Variants in UGT1A6 observed in about 807,000 individuals in gnomAD.
UGT1A6 encodes UDP glucuronosyltransferase family 1 member A6, also known as UDP-glucuronosyltransferase 1A6.
Under a neutral mutation model 44.4 loss-of-function variants are expected in UGT1A6, and 32 were observed. That is an observed-to-expected ratio of 0.72 (90% CI 0.54 to 0.97). The LOEUF (loss-of-function observed/expected upper bound fraction) is 0.97, where lower values mean the gene tolerates loss of function less well. UGT1A6 is among the 50% of genes least tolerant of loss of function. UGT1A6 has a pLI of 0.00. For synonymous variants in UGT1A6, 238 were observed against 248.5 expected, an observed-to-expected ratio of 0.96 and a Z score of 0.40; for missense variants, 685 against 661.9, an observed-to-expected ratio of 1.03 and a Z score of -0.38.
At chr2:233,727,382 C>T (rs1283832828) in intron 1 of UGT1A6, among the ~76,000 whole-genome samples, 4 of 152,134 alleles carry the variant, frequency 2.6e-5, no homozygotes, top group African/African-American at 7.2e-5. Context: ...TCTGGAGTAC[C>T]ACCGTCTTCC....
chr2:233,724,376 G>T (rs1373227000), intron 1 of UGT1A6, among the ~76,000 whole-genome samples: 1 of 128,002 alleles, frequency 7.8e-6, no homozygotes, highest in African/African-American at 3.0e-5. Context: ...GGTGGCTGCC[G>T]GGCGGAGACG....
intron 1 of UGT1A6, among the ~76,000 whole-genome samples, chr2:233,748,554 C>T (rs1045487950): frequency 2.0e-5 from 3 of 151,692 alleles, no homozygotes; most frequent in Non-Finnish European, 2.9e-5. Context: ...CCTAAGCACT[C>T]GCAGGAAGTA....
intron 1 of UGT1A6, chr2:233,729,433 A>T (rs2077858164): frequency 6.2e-7 from 1 of 1,613,790 alleles, no homozygotes; most frequent in African/African-American, 1.3e-5. Flanking sequence ...GTACTTTGAA[A>T]CAGAACATTT....
intron 1 of UGT1A6, among the ~76,000 whole-genome samples, chr2:233,762,570 C>A (rs1698104527): frequency 6.6e-6 from 1 of 152,154 alleles, no homozygotes; most frequent in South Asian, 2.1e-4. Flanking sequence ...TAGTCTAGTT[C>A]CCCACAGAGG....
At chr2:233,706,326 T>A (rs559515349) in intron 1 of UGT1A6, among the ~76,000 whole-genome samples, 1 of 152,306 alleles carries the variant, frequency 6.6e-6, no homozygotes, top group East Asian at 1.9e-4. Flanking sequence ...TTGGAACTAT[T>A]CAAGCTGGTG....
At chr2:233,760,382 T>G (rs1697426202) in intron 1 of UGT1A6, 1 of 1,614,082 alleles carries the variant, frequency 6.2e-7, no homozygotes, top group African/African-American at 1.3e-5. Context: ...AAGATACTGT[T>G]GATCCCAGTG....
intron 1 of UGT1A6, chr2:233,729,458 T>G: frequency 6.2e-7 from 1 of 1,614,110 alleles, no homozygotes; most frequent in Non-Finnish European, 8.5e-7. Flanking sequence ...AAGAAATTTT[T>G]CAGAAGTATG....
chr2:233,704,584 A>G (rs1284227001), intron 1 of UGT1A6, among the ~76,000 whole-genome samples: 1 of 152,162 alleles, frequency 6.6e-6, no homozygotes, highest in Non-Finnish European at 1.5e-5. Context: ...CAAGAATCAG[A>G]GAGAAGAAAG....
intron 1 of UGT1A6, chr2:233,712,893 T>G (rs2076259922): frequency 6.2e-7 from 1 of 1,605,864 alleles, no homozygotes; most frequent in East Asian, 2.2e-5. Flanking sequence ...ACATGTTGAT[T>G]TGCTAGGTGT....
At chr2:233,707,786 G>T (rs2075987501) in intron 1 of UGT1A6, among the ~76,000 whole-genome samples, 1 of 152,134 alleles carries the variant, frequency 6.6e-6, no homozygotes. Flanking sequence ...TATATACCTA[G>T]GGGTGGAGCT....
At chr2:233,755,786 A>T (rs1696022077) in intron 1 of UGT1A6, 1 of 152,524 alleles carries the variant, frequency 6.6e-6, no homozygotes, top group Non-Finnish European at 1.5e-5. Flanking sequence ...TGCCTATCAT[A>T]TGTACTGCAT....
rs1375960685 is a variant in UGT1A6 at position 233,768,542 on chromosome 2, T to C, written c.1301+103T>C. On this transcript the variant is annotated intron_variant, in intron 4 of 4. Coordinates refer to ENST00000305139, the MANE Select transcript of UGT1A6 (RefSeq NM_001072.4). ...TAGCATTTAATAGCGTTGTTTCAAA[T>C]ATAAAAACAAATACATAAAAATCTG... 2.1e-6 allele frequency: 3 copies of C among 1,457,940 alleles called. No individual in the cohort carries two copies. In the African/African-American group the frequency reaches 4.3e-5, roughly 21 times the overall value. The allele number at this position is 1,457,940 out of a possible 1,614,324, so 90.3% of individuals were successfully genotyped here.
intron 1 of UGT1A6, among the ~76,000 whole-genome samples, chr2:233,727,780 G>A (rs1337158830): frequency 6.6e-6 from 1 of 152,168 alleles, no homozygotes. Flanking sequence ...CCCAGTAGAC[G>A]CTTCCATTCA....
intron 1 of UGT1A6, among the ~76,000 whole-genome samples, chr2:233,750,313 G>A (rs771839306): frequency 6.6e-6 from 1 of 151,862 alleles, no homozygotes; most frequent in Non-Finnish European, 1.5e-5. Context: ...AGAGATCTGT[G>A]GAACTTTGAA....
intron 1 of UGT1A6, among the ~76,000 whole-genome samples, chr2:233,757,427 A>G (rs934083320): frequency 5.3e-5 from 8 of 151,486 alleles, no homozygotes; most frequent in South Asian, 2.1e-4. Context: ...AAAGAGAAGA[A>G]AAGTCACTTC....
chr2:233,713,755 G>A (rs1032463751), intron 1 of UGT1A6: 1 of 1,613,844 alleles, frequency 6.2e-7, no homozygotes, highest in Non-Finnish European at 8.5e-7. Context: ...GCATCTGTGT[G>A]GCTGTTCCGA....
chr2:233,747,353 C>A, intron 1 of UGT1A6: 12 of 1,602,858 alleles, frequency 7.5e-6, no homozygotes, highest in Non-Finnish European at 1.0e-5. Flanking sequence ...TGCGGGAGGC[C>A]GTGCGGGAGC....
rs542057655 is a variant in UGT1A6 at position 233,743,464 on chromosome 2, C to G, written c.862-23570C>G. The G allele has an allele frequency of 3.7e-5, 50 of 1,366,536 alleles. No individual in the cohort carries two copies. The South Asian group carries it at 5.6e-4, about 15-fold the overall frequency. The allele number at this position is 1,366,536 out of a possible 1,614,324, so 84.7% of individuals were successfully genotyped here. A position where few individuals can be genotyped will look rare whatever the true frequency, so the allele number is the denominator to read the frequency against. On this transcript the variant is annotated intron_variant, in intron 1 of 4. Coordinates refer to ENST00000305139, the MANE Select transcript of UGT1A6 (RefSeq NM_001072.4). ...TGTATCAAAAGAAGAAAAAACACCC[C>G]CAAAAGCTGGAAATTCACTGAAGGC...
Position 233,772,612 on chromosome 2 carries a change from A to C in UGT1A6, c.*53A>C. ...TTGAACCATTCCCTAGTCATTTCCAAACTTGAAAACAGAATCAGTGTTAAA... is the reference window on the plus strand; with the variant it reads ...TTGAACCATTCCCTAGTCATTTCCACACTTGAAAACAGAATCAGTGTTAAA... On this transcript the variant is annotated 3_prime_UTR_variant, in exon 5 of 5. Coordinates refer to ENST00000305139, the MANE Select transcript of UGT1A6 (RefSeq NM_001072.4). The C allele has an allele frequency of 6.3e-7, 1 of 1,577,490 alleles. No homozygotes were observed. Among genetic ancestry groups the C allele is most frequent in the Non-Finnish European group, 8.6e-7 (1 of 1,160,700 alleles).
Sources: gnomAD v4.1 joint callset for allele counts (sites outside exome capture counted in the v4.1 genomes callset) on GRCh38, gnomAD v4.1.1 for gene constraint, MANE v1.5 for transcripts, NCBI Gene and HGNC (gene_info 2026-07-23, HGNC 2026-07-21) for gene names.